GPC4: variants seen among roughly 807,000 people sequenced by gnomAD.
GPC4 encodes the protein glypican 4.
A neutral mutation model predicts 35.0 loss-of-function variants in GPC4; 10 were observed. The observed-to-expected ratio is 0.29, with a 90% CI of 0.18 to 0.48. The LOEUF is 0.48. GPC4 is among the 20% of genes least tolerant of loss of function. GPC4 has a pLI of 0.99. For missense variants in GPC4, 322 were observed against 451.3 expected, an observed-to-expected ratio of 0.71 and a Z score of 2.60; for synonymous variants, 167 against 170.2, an observed-to-expected ratio of 0.98 and a Z score of 0.15.
chrX:133,317,369 C>T (rs2068343625), intron 3 of GPC4, among the ~76,000 whole-genome samples: 1 of 111,105 alleles, frequency 9.0e-6, no homozygotes, highest in Non-Finnish European at 1.9e-5. Flanking sequence ...ATCTGCATGC[C>T]ATATCTGCTA....
intron 1 of GPC4, among the ~76,000 whole-genome samples, chrX:133,372,224 TAAAAAAAAA>T (rs372391787): frequency 6.1e-5 from 5 of 82,489 alleles, no homozygotes; most frequent in Non-Finnish European, 4.7e-5. Context: ...ACTCCGTCTT[TAAAAAAAAA>T]AAAAAAAAAA....
chrX:133,303,636 G>A lies in GPC4; in HGVS notation c.1293-295C>T, dbSNP rs1163572282. On this transcript the variant is annotated intron_variant, in intron 7 of 8. Coordinates refer to ENST00000370828, the MANE Select transcript of GPC4 (RefSeq NM_001448.3). ...GGAGGCTAAGGTGGGTGGATCACTT[G>A]AGGTCAGGCATTCGAGACCAACCTG... 2.5e-4 allele frequency among the ~76,000 whole-genome samples: 28 copies of A among 110,890 alleles called. 1 individual carries two copies. The highest frequency in any genetic ancestry group is 9.2e-4 in the African/African-American group (28 of 30,474).
rs1200648389 is a variant in GPC4, at chrX:133,308,934, C to T, written c.877+2324G>A. Among the ~76,000 whole-genome samples the T allele has an allele frequency of 1.3e-4, 14 of 108,963 alleles. No homozygotes were observed. In the Admixed American group the frequency reaches 1.4e-3, roughly 11 times the overall value. The allele number at this position is 108,963 out of a possible 115,157, so 94.6% of individuals were successfully genotyped here. On this transcript the variant is annotated intron_variant, in intron 4 of 8. Transcript: ENST00000370828. Reference sequence around the variant, plus strand: ...TAAAGAAGGGGGAAAAAGCCCTTGACCATTCATTAGCTGCAGTCATTTAAA... The same window carrying T: ...TAAAGAAGGGGGAAAAAGCCCTTGATCATTCATTAGCTGCAGTCATTTAAA...
rs777465467 is a variant in GPC4 at position 133,302,932 on chromosome X, C to T, written c.1606G>A (p.Ala536Thr). 3 of 1,211,537 alleles carry T rather than the reference C, an allele frequency of 2.5e-6. No individual in the cohort carries two copies. Among genetic ancestry groups the T allele is most frequent in the South Asian group, 3.5e-5 (2 of 56,944 alleles). Residue 536 changes from alanine to threonine, a missense_variant, in exon 9 of 9, where the codon GCA becomes ACA. This residue lies in a region of GPC4 where 99 missense variants were observed against 110.0 expected (regional missense o/e 0.90). Transcript: ENST00000370828. The stretch of plus-strand genomic sequence containing the variant: ...AAGACAGTGAGGAGGTAGGCCTGTG[C>T]CCCAGGACGGACACCAGCACTGTCG... ...KADSAGVRPG[A>T]QAYLLTVFCI...
chrX:133,314,699 T>C (rs1196042118), intron 3 of GPC4, among the ~76,000 whole-genome samples: 1 of 111,989 alleles, frequency 8.9e-6, no homozygotes, highest in Non-Finnish European at 1.9e-5. Flanking sequence ...TCATAACCAC[T>C]AGTCAGACCA....
At chrX:133,377,877 CTTTTTTTTTTTCTTTTTT>C (rs1243339559) in intron 1 of GPC4, among the ~76,000 whole-genome samples, 2 of 86,192 alleles carry the variant, frequency 2.3e-5, no homozygotes, top group Non-Finnish European at 4.5e-5. Context: ...TTTTCTTTTT[CTTTTTTTTTTTCTTTTTT>C]TTTTTTTTTT....
chrX:133,414,081 A>G (rs2068825680), intron 1 of GPC4, among the ~76,000 whole-genome samples: 1 of 111,134 alleles, frequency 9.0e-6, no homozygotes, highest in South Asian at 3.9e-4. Flanking sequence ...AAAAAGAAAG[A>G]GGGGAAAAAT....
At chrX:133,392,389 C>G (rs1297743787) in intron 1 of GPC4, among the ~76,000 whole-genome samples, 1 of 105,496 alleles carries the variant, frequency 9.5e-6, no homozygotes, top group Non-Finnish European at 1.9e-5. Flanking sequence ...CCTGAACACC[C>G]TGGGACCATC....
intron 1 of GPC4, among the ~76,000 whole-genome samples, chrX:133,344,191 G>GTTTTT (rs747976050): frequency 1.5e-4 from 6 of 38,887 alleles, no homozygotes; most frequent in Admixed American, 4.7e-4. Context: ...TTTCTTTCTG[G>GTTTTT]TTTTTTTTTT....
At chrX:133,344,991 A>G (rs1262957599) in intron 1 of GPC4, among the ~76,000 whole-genome samples, 3 of 112,912 alleles carry the variant, frequency 2.7e-5, no homozygotes, top group African/African-American at 9.6e-5. Context: ...ATAAGAGACT[A>G]TGATTTTGCA....
intron 1 of GPC4, among the ~76,000 whole-genome samples, chrX:133,409,767 G>A (rs1173634508): frequency 8.9e-6 from 1 of 111,868 alleles, no homozygotes; most frequent in East Asian, 2.8e-4. Flanking sequence ...GAAGCTCAAA[G>A]CACAGGAATA....
chrX:133,363,835 C>T (rs1307807986), intron 1 of GPC4, among the ~76,000 whole-genome samples: 1 of 111,547 alleles, frequency 9.0e-6, no homozygotes, highest in African/African-American at 3.3e-5. Context: ...CCCCTCCAAC[C>T]CTTCCCCAAC....
chrX:133,380,049 G>A (rs775385341), intron 1 of GPC4, among the ~76,000 whole-genome samples: 3 of 110,838 alleles, frequency 2.7e-5, no homozygotes, highest in Non-Finnish European at 5.7e-5. Context: ...TTATACATGT[G>A]ATGTGGGCCG....
chrX:133,371,650 ATTTC>A lies in GPC4; in HGVS notation c.161-32313_161-32310del, dbSNP rs1173309348. Reference sequence around the variant, plus strand: ...AAAATTTGTCCTTAATGGGTATAGCATTTCTTTGACAGAAAAAAAAATTGCTTGA... The same window carrying A: ...AAAATTTGTCCTTAATGGGTATAGCATTTGACAGAAAAAAAAATTGCTTGA... On this transcript the variant is annotated intron_variant, in intron 1 of 8. Coordinates refer to ENST00000370828, the MANE Select transcript of GPC4 (RefSeq NM_001448.3). Among the ~76,000 whole-genome samples, 7 of 111,417 alleles carry A rather than the reference ATTTC, an allele frequency of 6.3e-5. No homozygotes were observed. The South Asian group carries it at 1.1e-3, about 18-fold the overall frequency.
At chrX:133,348,937 T>C (rs757153213) in intron 1 of GPC4, among the ~76,000 whole-genome samples, 1 of 112,419 alleles carries the variant, frequency 8.9e-6, no homozygotes, top group African/African-American at 3.2e-5. Flanking sequence ...TGAGAGACTG[T>C]ATGGAGACTG....
chrX:133,413,043 G>A (rs1242473153), intron 1 of GPC4, among the ~76,000 whole-genome samples: 1 of 112,721 alleles, frequency 8.9e-6, no homozygotes, highest in African/African-American at 3.2e-5. Flanking sequence ...AATCATCTCC[G>A]CTGTGCCCAG....
chrX:133,390,814 C>T (rs192312088), intron 1 of GPC4, among the ~76,000 whole-genome samples: 4 of 111,511 alleles, frequency 3.6e-5, no homozygotes, highest in African/African-American at 1.3e-4. Context: ...CTTTCATGAA[C>T]ACCGGGAACA....
At chrX:133,369,344 A>G (rs2068602964) in intron 1 of GPC4, among the ~76,000 whole-genome samples, 2 of 111,689 alleles carry the variant, frequency 1.8e-5, no homozygotes, top group Non-Finnish European at 3.8e-5. Flanking sequence ...GTTAAGTTAC[A>G]GTTCCCCCAG....
chrX:133,408,853 T>A lies in GPC4; in HGVS notation c.160+5953A>T, dbSNP rs139357018. On this transcript the variant is annotated intron_variant, in intron 1 of 8. Transcript: ENST00000370828. ...CCAACATATGCATATTTACTTTAAA[T>A]TTATTTCACTTCAAAGTGTTTAGAT... 3.6e-3 allele frequency among the ~76,000 whole-genome samples: 406 copies of A among 111,655 alleles called. 2 individuals carry two copies. Among genetic ancestry groups the A allele is most frequent in the East Asian group, 9.1e-3 (32 of 3,507 alleles).
Sources: allele counts gnomAD v4.1 joint callset (sites outside exome capture counted in the v4.1 genomes callset), GRCh38; gene constraint gnomAD v4.1.1; regional missense constraint gnomAD v4.1.1; transcripts MANE v1.5; gene names NCBI Gene and HGNC (gene_info 2026-07-23, HGNC 2026-07-21).